The following FARP1 variants were observed in gnomAD, a reference collection of about 807,000 sequenced individuals.
The protein encoded by FARP1 is FERM, ARHGEF and pleckstrin domain-containing protein 1.
A neutral mutation model predicts 128.8 loss-of-function variants in FARP1; 52 were observed. The ratio of observed to expected loss-of-function variants is 0.40; its 90% confidence interval spans 0.32 to 0.51. The LOEUF is 0.51. Among genes scored for constraint, FARP1 ranks in the 20% least tolerant of loss-of-function variants. The probability of loss-of-function intolerance (pLI) is 0.45; values close to 1 mark genes in which losing one functional copy is unlikely to be tolerated. For synonymous variants in FARP1, 580 were observed against 551.8 expected, an observed-to-expected ratio of 1.05 and a Z score of -0.72; for missense variants, 1,333 against 1,367.9, an observed-to-expected ratio of 0.97 and a Z score of 0.40.
In FARP1 at chr13:98,449,806, G is replaced by C; in HGVS notation, c.*1489G>C. ...TGTAGTCTTCATTTTCTGTGTGGGGGGGGAGGGGGGAAGGGGACACTCCAG... is the reference window on the plus strand; with the variant it reads ...TGTAGTCTTCATTTTCTGTGTGGGGCGGGAGGGGGGAAGGGGACACTCCAG... On this transcript the variant is annotated 3_prime_UTR_variant, in exon 27 of 27. Transcript: ENST00000319562. 6.6e-6 allele frequency: 1 copy of C among 152,430 alleles called. No homozygotes were observed. Among genetic ancestry groups the C allele is most frequent in the East Asian group, 1.9e-4 (1 of 5,188 alleles). 9.4% of individuals were successfully genotyped at this position (152,430 alleles called of 1,614,324 possible). A position where few individuals can be genotyped will look rare whatever the true frequency, so the allele number is the denominator to read the frequency against.
At chr13:98,343,385 C>T (rs1888049958) in intron 2 of FARP1, among the ~76,000 whole-genome samples, 1 of 152,166 alleles carries the variant, frequency 6.6e-6, no homozygotes, top group Non-Finnish European at 1.5e-5. Context: ...ATATTGGCTC[C>T]ACAACTGTAG....
At position 98,264,839 on chromosome 13, in the gene FARP1, C is replaced by T. The variant is rs745772247; in HGVS notation, c.171+51426C>T. Among the ~76,000 whole-genome samples the T allele has an allele frequency of 9.7e-4, 147 of 151,978 alleles. 4 individuals carry two copies. Among genetic ancestry groups the T allele is most frequent in the South Asian group, 4.2e-4 (2 of 4,814 alleles). On this transcript the variant is annotated intron_variant, in intron 2 of 26. Transcript: ENST00000319562. ...ACTAATATCGAATAGAATTACTATT[C>T]GATAGTAATCATTATTATTCTGTAG...
intron 1 of FARP1, among the ~76,000 whole-genome samples, chr13:98,153,127 C>CTA (rs1202057307): frequency 6.6e-6 from 1 of 151,414 alleles, no homozygotes; most frequent in African/African-American, 2.4e-5. Flanking sequence ...GGTTCTCTAA[C>CTA]ATCAGGTGCT....
intron 1 of FARP1, among the ~76,000 whole-genome samples, chr13:98,179,408 C>T (rs1878342966): frequency 1.3e-5 from 2 of 152,138 alleles, no homozygotes; most frequent in South Asian, 4.1e-4. Context: ...GGGACATAGC[C>T]AAACCATATC....
rs1248535099 is a variant in FARP1 at position 98,272,559 on chromosome 13, C to T, written c.171+59146C>T. On this transcript the variant is annotated intron_variant, in intron 2 of 26. Transcript: ENST00000319562. ...TAAGTCACTAGGGGCTCAATATTAA[C>T]GTGCAGATATGTGGGGAAAATGTCA... 4.6e-5 allele frequency among the ~76,000 whole-genome samples: 7 copies of T among 152,282 alleles called. No homozygotes were observed. In the East Asian group the frequency reaches 5.8e-4, roughly 13 times the overall value.
intron 2 of FARP1, among the ~76,000 whole-genome samples, chr13:98,262,265 C>T (rs1883921264): frequency 6.6e-6 from 1 of 151,786 alleles, no homozygotes; most frequent in South Asian, 2.1e-4. Flanking sequence ...AAGAGATCCA[C>T]CTGCCTTAGC....
intron 2 of FARP1, among the ~76,000 whole-genome samples, chr13:98,278,095 C>G (rs537703241): frequency 4.1e-5 from 6 of 147,862 alleles, no homozygotes; most frequent in African/African-American, 1.3e-4. Context: ...ATTACTGTGA[C>G]TATTCAAAAG....
intron 13 of FARP1, chr13:98,403,509 TAG>T (rs1890853705): frequency 6.6e-6 from 1 of 152,212 alleles, no homozygotes; most frequent in East Asian, 1.9e-4. Flanking sequence ...ATTTAGCTTA[TAG>T]ATATGTAGAT....
At chr13:98,379,233 T>C (rs1053188961) in intron 6 of FARP1, among the ~76,000 whole-genome samples, 2 of 124,874 alleles carry the variant, frequency 1.6e-5, no homozygotes, top group African/African-American at 6.3e-5. Context: ...TCTATCTATA[T>C]ATAATCTATA....
chr13:98,378,524 T>G (rs763736711), intron 6 of FARP1, among the ~76,000 whole-genome samples: 1 of 152,192 alleles, frequency 6.6e-6, no homozygotes, highest in Non-Finnish European at 1.5e-5. Flanking sequence ...CACATTATGT[T>G]TCAGAAAGGT....
chr13:98,392,059 C>T (rs1269863509), intron 11 of FARP1, among the ~76,000 whole-genome samples: 2 of 152,064 alleles, frequency 1.3e-5, no homozygotes, highest in African/African-American at 4.8e-5. Context: ...ATTTGCAGCT[C>T]TCGTTACAGA....
chr13:98,193,151 G>A (rs542973634), intron 1 of FARP1, among the ~76,000 whole-genome samples: 12 of 150,954 alleles, frequency 7.9e-5, no homozygotes, highest in Non-Finnish European at 1.2e-4. Context: ...TCTGTCTCCC[G>A]GGTTCAAGCG....
chr13:98,299,217 C>T (rs1483293212), intron 2 of FARP1, among the ~76,000 whole-genome samples: 1 of 152,142 alleles, frequency 6.6e-6, no homozygotes, highest in African/African-American at 2.4e-5. Context: ...CAGAAGTAAC[C>T]ATTGTTACAA....
chr13:98,230,636 CT>C (rs11312519), intron 2 of FARP1, among the ~76,000 whole-genome samples: 27,320 of 151,658 alleles, frequency 0.18, 6,128 homozygotes, highest in East Asian at 0.5. Context: ...CTTTTTTCTG[CT>C]TTTTTTTAAT....
chr13:98,193,397 G>A (rs1487608649), intron 1 of FARP1, among the ~76,000 whole-genome samples: 2 of 152,168 alleles, frequency 1.3e-5, no homozygotes, highest in Non-Finnish European at 2.9e-5. Flanking sequence ...CATAGAAGCA[G>A]CCAGCTGACT....
intron 1 of FARP1, among the ~76,000 whole-genome samples, chr13:98,153,320 TAAATAATATAATATATA>T (rs1876174040): frequency 9.1e-5 from 1 of 11,018 alleles, no homozygotes; most frequent in Non-Finnish European, 3.4e-4. Flanking sequence ...ATAAAATATA[TAAATAATATAATATATA>T]AAATAATATA....
chr13:98,227,158 G>C (rs1373474982), intron 2 of FARP1, among the ~76,000 whole-genome samples: 2 of 152,222 alleles, frequency 1.3e-5, no homozygotes, highest in African/African-American at 4.8e-5. Flanking sequence ...TAGTCAGGAT[G>C]GTCTCGATCT....
chr13:98,329,680 C>T (rs1394041862), intron 2 of FARP1: 2 of 152,002 alleles, frequency 1.3e-5, no homozygotes, highest in African/African-American at 4.8e-5. Context: ...ATATATTTTC[C>T]CTAGTTGGCT....
intron 2 of FARP1, among the ~76,000 whole-genome samples, chr13:98,283,151 G>A (rs1359064805): frequency 6.6e-6 from 1 of 152,142 alleles, no homozygotes; most frequent in African/African-American, 2.4e-5. Flanking sequence ...TGATTGAACA[G>A]GATAACTCTG....
Sources: gnomAD v4.1 joint callset for allele counts (sites outside exome capture counted in the v4.1 genomes callset) on GRCh38, gnomAD v4.1.1 for gene constraint, MANE v1.5 for transcripts, NCBI Gene and HGNC (gene_info 2026-07-23, HGNC 2026-07-21) for gene names.